The following PRPF3 variants were observed in gnomAD, a reference collection of about 807,000 sequenced individuals.
PRPF3 encodes U4/U6 small nuclear ribonucleoprotein Prp3.
Under a neutral mutation model 89.2 loss-of-function variants are expected in PRPF3, and 3 were observed. The ratio of observed to expected loss-of-function variants is 0.03; its 90% confidence interval spans 0.02 to 0.09. The LOEUF (loss-of-function observed/expected upper bound fraction) is 0.09, where lower values mean the gene tolerates loss of function less well. Ranked by LOEUF, PRPF3 falls within the 10% of genes least tolerant of loss-of-function variation. The probability of loss-of-function intolerance (pLI) is 1.00; values close to 1 mark genes in which losing one functional copy is unlikely to be tolerated. For missense variants in PRPF3, 463 were observed against 828.8 expected (o/e 0.56, Z 5.42); for synonymous variants, 270 against 289.1 (o/e 0.93, Z 0.67).
intron 14 of PRPF3, among the ~76,000 whole-genome samples, chr1:150,347,294 A>G (rs1424683131): frequency 2.6e-5 from 4 of 151,938 alleles, no homozygotes; most frequent in South Asian, 2.1e-4. Context: ...ACACACATAC[A>G]TACACACATG....
At chr1:150,349,751 CTCT>C (rs1178952927) in intron 15 of PRPF3, among the ~76,000 whole-genome samples, 1 of 152,142 alleles carries the variant, frequency 6.6e-6, no homozygotes, top group African/African-American at 2.4e-5. Context: ...GACTGAATCA[CTCT>C]TCAAGTGGAA....
Position 150,332,716 on chromosome 1 carries a change from A to G in PRPF3, c.456A>G (p.Gln152=). 1.9e-6 allele frequency: 3 copies of G among 1,614,172 alleles called. No individual in the cohort carries two copies. The highest frequency in any genetic ancestry group is 2.5e-6 in the Non-Finnish European group (3 of 1,180,032). ...AGATGATGGAGGCAGCAACACGACA[A>G]ATCGAGGAGAGGAAAAAACAGCTGA... ...IKQMMEAATR[Q]IEERKKQLSF... is the part of the protein sequence containing the mutation. Residue 152 remains glutamine (Q), a synonymous_variant, in exon 5 of 16, where the codon CAA becomes CAG. Transcript: ENST00000324862.
At chr1:150,337,694 C>T (rs968898702) in intron 7 of PRPF3, among the ~76,000 whole-genome samples, 2 of 149,738 alleles carry the variant, frequency 1.3e-5, no homozygotes, top group Admixed American at 6.7e-5. Context: ...AGGAGAATGG[C>T]GTGAACCCGG....
intron 4 of PRPF3, 143 bp from the exon 5 acceptor site, chr1:150,332,541 C>T (rs1656528160): frequency 1.3e-6 from 1 of 782,684 alleles, no homozygotes; most frequent in Admixed American, 2.2e-5. Flanking sequence ...AAATTTTTTG[C>T]ACTGTGGTGC....
At chr1:150,346,636 T>G in intron 14 of PRPF3, 145 bp downstream of exon 14, 1 of 805,614 alleles carries the variant, frequency 1.2e-6, no homozygotes, top group South Asian at 1.5e-5. Context: ...GTTTAGACTT[T>G]GAGCCTCCTA....
At chr1:150,339,328 A>T (rs782326343) in intron 8 of PRPF3, among the ~76,000 whole-genome samples, 1 of 151,488 alleles carries the variant, frequency 6.6e-6, no homozygotes, top group South Asian at 2.1e-4. Flanking sequence ...GTCAGCTATG[A>T]TCATGACCAC....
At chr1:150,324,071 G>A (rs587652251) in intron 1 of PRPF3, among the ~76,000 whole-genome samples, 9 of 152,180 alleles carry the variant, frequency 5.9e-5, no homozygotes, top group Non-Finnish European at 1.3e-4. Context: ...GAGCCACCGC[G>A]CCCGGCCAGA....
At chr1:150,349,339 T>A (rs1553873817) in intron 15 of PRPF3, 121 bp downstream of exon 15, 2 of 823,408 alleles carry the variant, frequency 2.4e-6, no homozygotes, top group African/African-American at 3.4e-5. Context: ...TAATTTATGT[T>A]TCTTTTTGGA....
chr1:150,349,936 C>T (rs1424668681), intron 15 of PRPF3, among the ~76,000 whole-genome samples: 1 of 151,906 alleles, frequency 6.6e-6, no homozygotes, highest in Admixed American at 6.6e-5. Context: ...GCTCTTGTTG[C>T]CCAGGCTGGA....
chr1:150,350,132 G>A (rs587670925), intron 15 of PRPF3, among the ~76,000 whole-genome samples: 1 of 152,084 alleles, frequency 6.6e-6, no homozygotes, highest in South Asian at 2.1e-4. Context: ...CCAACCTCAG[G>A]TGATCCGCCT....
intron 4 of PRPF3, 60 bp downstream of exon 4, chr1:150,328,526 T>C: frequency 7.0e-7 from 1 of 1,434,066 alleles, no homozygotes; most frequent in Non-Finnish European, 9.7e-7. Context: ...AAAAGGTGCA[T>C]GGGTCTGTAT....
intron 4 of PRPF3, among the ~76,000 whole-genome samples, chr1:150,330,777 C>T (rs1392369314): frequency 3.4e-5 from 5 of 148,426 alleles, no homozygotes; most frequent in South Asian, 2.1e-4. Flanking sequence ...AGTGTAATGG[C>T]GCTATCTCGG....
intron 1 of PRPF3, among the ~76,000 whole-genome samples, chr1:150,322,235 T>G (rs1363132296): frequency 1.3e-5 from 2 of 152,178 alleles, no homozygotes; most frequent in African/African-American, 4.8e-5. Flanking sequence ...CCCGTTAAGG[T>G]GAGGACTCTT....
rs782409659 is a variant in PRPF3 at position 150,353,222 on chromosome 1, G to A, written c.*243G>A. On this transcript the variant is annotated 3_prime_UTR_variant, in exon 16 of 16. Coordinates refer to ENST00000324862, the MANE Select transcript of PRPF3 (RefSeq NM_004698.4). ...TTGGTGTGATATTTTTCACACATTCGTAAGTATTAGAGTTTGGGTCTACAG... is the reference window on the plus strand; with the variant it reads ...TTGGTGTGATATTTTTCACACATTCATAAGTATTAGAGTTTGGGTCTACAG... 10 of 522,782 alleles carry A rather than the reference G, an allele frequency of 1.9e-5. No individual in the cohort carries two copies. The highest frequency in any genetic ancestry group is 4.1e-5 in the South Asian group (2 of 48,644). The allele number at this position is 522,782 out of a possible 1,614,324, so 32.4% of individuals were successfully genotyped here.
chr1:150,346,536 T>G, intron 14 of PRPF3, 45 bp downstream of exon 14: 1 of 1,525,780 alleles, frequency 6.6e-7, no homozygotes, highest in Non-Finnish European at 9.1e-7. Context: ...CTATGGGAGG[T>G]GGGGATGGTG....
At chr1:150,330,982 G>T (rs1350018354) in intron 4 of PRPF3, among the ~76,000 whole-genome samples, 1 of 151,782 alleles carries the variant, frequency 6.6e-6, no homozygotes, top group East Asian at 2.0e-4. Context: ...CTCCCAAAGT[G>T]CTGGGATTAC....
chr1:150,323,173 C>CCTTTTTT (rs1655276266), intron 1 of PRPF3, among the ~76,000 whole-genome samples: 1 of 48,270 alleles, frequency 2.1e-5, no homozygotes, highest in Non-Finnish European at 3.3e-5. Flanking sequence ...CCGCACCTGG[C>CCTTTTTT]TTTTTTTTTT....
intron 3 of PRPF3, among the ~76,000 whole-genome samples, chr1:150,327,085 TA>T (rs1560086633): frequency 6.9e-6 from 1 of 144,906 alleles, no homozygotes; most frequent in African/African-American, 2.5e-5. Flanking sequence ...TTTTTTTTTC[TA>T]AGGGTGAGTC....
At chr1:150,325,978 G>C in intron 3 of PRPF3, 97 bp downstream of exon 3, 1 of 1,476,202 alleles carries the variant, frequency 6.8e-7, no homozygotes, top group South Asian at 1.1e-5. Context: ...CCTCTATTTA[G>C]AGCAGCAAAT....
Sources: gnomAD v4.1 joint callset for allele counts (sites outside exome capture counted in the v4.1 genomes callset) on GRCh38, gnomAD v4.1.1 for gene constraint, MANE v1.5 for transcripts, NCBI Gene and HGNC (gene_info 2026-07-23, HGNC 2026-07-21) for gene names.